The following NAALADL2 variants were observed in gnomAD, a reference collection of about 807,000 sequenced individuals.
The protein encoded by NAALADL2 is inactive N-acetylated-alpha-linked acidic dipeptidase-like protein 2.
Under a neutral mutation model 87.2 loss-of-function variants are expected in NAALADL2, and 76 were observed. The observed-to-expected ratio is 0.87, with a 90% CI of 0.72 to 1.05. The LOEUF (loss-of-function observed/expected upper bound fraction) is 1.05. Ranked by LOEUF, NAALADL2 falls within the 50% of genes least tolerant of loss-of-function variation. The pLI, the probability that NAALADL2 is intolerant of heterozygous loss-of-function variation, is 0.00. For missense variants in NAALADL2, 1,089 were observed against 945.8 expected (o/e 1.15, Z -1.99); for synonymous variants, 354 against 331.0 (o/e 1.07, Z -0.75).
chr3:174,957,500 A>G (rs141228965), intron 1 of NAALADL2, among the ~76,000 whole-genome samples: 114 of 152,190 alleles, frequency 7.5e-4, no homozygotes, highest in African/African-American at 2.6e-3. Context: ...AGCTGGTTAT[A>G]CAATTCCAAA....
intron 3 of NAALADL2, among the ~76,000 whole-genome samples, chr3:174,838,471 A>G (rs918662097): frequency 2.6e-5 from 4 of 152,180 alleles, no homozygotes; most frequent in African/African-American, 9.7e-5. Flanking sequence ...CCTCTCCAGC[A>G]TAGTACTGGA....
chr3:175,611,320 A>T (rs958674690), intron 10 of NAALADL2, among the ~76,000 whole-genome samples: 4 of 152,112 alleles, frequency 2.6e-5, no homozygotes, highest in African/African-American at 9.7e-5. Context: ...TTGCTCACTG[A>T]TAAATAGTTA....
intron 11 of NAALADL2, among the ~76,000 whole-genome samples, chr3:175,694,296 C>T (rs899115770): frequency 6.6e-6 from 1 of 152,140 alleles, no homozygotes; most frequent in African/African-American, 2.4e-5. Flanking sequence ...AGTTAATCCT[C>T]TTGCAGAGTT....
intron 5 of NAALADL2, among the ~76,000 whole-genome samples, chr3:175,393,837 T>A (rs1273176314): frequency 6.6e-6 from 1 of 152,196 alleles, no homozygotes; most frequent in Non-Finnish European, 1.5e-5. Context: ...TTGAAAATTG[T>A]CCTAAAAATG....
chr3:175,682,229 A>T (rs1282732068), intron 11 of NAALADL2, among the ~76,000 whole-genome samples: 1 of 152,084 alleles, frequency 6.6e-6, no homozygotes, highest in East Asian at 1.9e-4. Context: ...GCCAAAATAC[A>T]TTTAGAATAT....
intron 2 of NAALADL2, among the ~76,000 whole-genome samples, chr3:175,158,773 A>C (rs1193207812): frequency 1.3e-5 from 2 of 152,098 alleles, no homozygotes; most frequent in African/African-American, 4.8e-5. Context: ...ATTAGAAAAA[A>C]TAGGAGAAAT....
At chr3:174,870,169 ATATT>A in intron 1 of NAALADL2, among the ~76,000 whole-genome samples, 1 of 151,992 alleles carries the variant, frequency 6.6e-6, no homozygotes, top group South Asian at 2.1e-4. Context: ...TTATTCTGGA[ATATT>A]TATTCTCCAT....
chr3:175,590,211 AATATATATATATATATATAT>A (rs66991809), intron 10 of NAALADL2, among the ~76,000 whole-genome samples: 10 of 5,962 alleles, frequency 1.7e-3, no homozygotes, highest in South Asian at 6.5e-3. Flanking sequence ...GACTCCGTCT[AATATATATATATATATATAT>A]ATATATATAT....
At chr3:175,741,102 ACTGT>A (rs146476211) in intron 12 of NAALADL2, among the ~76,000 whole-genome samples, 2,830 of 152,246 alleles carry the variant, frequency 0.019, 84 homozygotes, top group African/African-American at 0.065. Context: ...TTAGTTAGGA[ACTGT>A]CATAGTCCAT....
intron 2 of NAALADL2, among the ~76,000 whole-genome samples, chr3:175,176,229 T>TTC (rs1735676651): frequency 6.6e-6 from 1 of 152,110 alleles, no homozygotes. Flanking sequence ...TAGATTTCCT[T>TTC]TCATTTTAAT....
chr3:175,406,926 A>T (rs192735277), intron 5 of NAALADL2, among the ~76,000 whole-genome samples: 2 of 152,070 alleles, frequency 1.3e-5, no homozygotes, highest in Non-Finnish European at 1.5e-5. Flanking sequence ...CACGCCTGTA[A>T]TCCCAGCACT....
chr3:175,276,324 G>A (rs1184056500), intron 4 of NAALADL2, among the ~76,000 whole-genome samples: 4 of 129,934 alleles, frequency 3.1e-5, no homozygotes, highest in East Asian at 2.1e-4. Context: ...TTTTTGAGAC[G>A]AAGCCTCGCT....
intron 9 of NAALADL2, among the ~76,000 whole-genome samples, chr3:175,495,090 A>ATTT (rs1482846281): frequency 7.5e-6 from 1 of 134,050 alleles, no homozygotes; most frequent in Admixed American, 7.9e-5. Context: ...ATATATATAT[A>ATTT]TATTTTTTTT....
chr3:175,609,281 T>G (rs2149667963), intron 10 of NAALADL2, among the ~76,000 whole-genome samples: 1 of 152,206 alleles, frequency 6.6e-6, no homozygotes, highest in East Asian at 1.9e-4. Flanking sequence ...AACATAGAAT[T>G]TTTAAGGATA....
intron 5 of NAALADL2, among the ~76,000 whole-genome samples, chr3:175,424,435 ATAAGG>A (rs1716432205): frequency 6.6e-6 from 1 of 152,156 alleles, no homozygotes; most frequent in Non-Finnish European, 1.5e-5. Flanking sequence ...TAATTTTTGT[ATAAGG>A]TGTAAGGAAG....
At chr3:175,585,199 A>G (rs975339067) in intron 10 of NAALADL2, among the ~76,000 whole-genome samples, 2 of 151,996 alleles carry the variant, frequency 1.3e-5, no homozygotes, top group African/African-American at 4.8e-5. Context: ...AGGCACAGAC[A>G]CACACACTAA....
In NAALADL2 at chr3:175,204,312, A is replaced by T. The variant is rs553193148; in HGVS notation, c.546-29619A>T. Reference sequence around the variant, plus strand: ...TAACATATGCAAGCCAATAAATGTGATATACCACATCAACAGAATTAAAAA... The same window carrying T: ...TAACATATGCAAGCCAATAAATGTGTTATACCACATCAACAGAATTAAAAA... On this transcript the variant is annotated intron_variant, in intron 2 of 13. Transcript: ENST00000454872. Among the ~76,000 whole-genome samples the T allele has an allele frequency of 3.3e-5, 5 of 152,346 alleles. No individual in the cohort carries two copies. The East Asian group carries it at 9.6e-4, about 29-fold the overall frequency.
At chr3:175,071,905 T>C (rs1559988334) in intron 1 of NAALADL2, among the ~76,000 whole-genome samples, 1 of 152,098 alleles carries the variant, frequency 6.6e-6, no homozygotes, top group Non-Finnish European at 1.5e-5. Flanking sequence ...ATTAACTCTC[T>C]GGTATTTTTT....
intron 5 of NAALADL2, among the ~76,000 whole-genome samples, chr3:175,379,297 G>A (rs531935135): frequency 7.0e-4 from 106 of 151,808 alleles, no homozygotes; most frequent in African/African-American, 2.4e-3. Context: ...AAGCACATAG[G>A]ACAGCATCTG....
Sources: gnomAD v4.1 joint callset for allele counts (sites outside exome capture counted in the v4.1 genomes callset) on GRCh38, gnomAD v4.1.1 for gene constraint, MANE v1.5 for transcripts, NCBI Gene and HGNC (gene_info 2026-07-23, HGNC 2026-07-21) for gene names.